DMXL1: variants seen among roughly 807,000 people sequenced by gnomAD.
The protein encoded by DMXL1 is Dmx like 1.
Under a neutral mutation model 319.2 loss-of-function variants are expected in DMXL1, and 99 were observed. That is an observed-to-expected ratio of 0.31 (90% CI 0.26 to 0.37). The LOEUF is 0.37. Ranked by LOEUF, DMXL1 falls within the 10% of genes least tolerant of loss-of-function variation. DMXL1 has a pLI of 1.00. For missense variants in DMXL1, 3,745 were observed against 3,595.6 expected (o/e 1.04, Z -1.06); for synonymous variants, 1,385 against 1,235.2 (o/e 1.12, Z -2.54).
At chr5:119,097,154 A>C (rs533721771) in intron 1 of DMXL1, among the ~76,000 whole-genome samples, 1 of 152,302 alleles carries the variant, frequency 6.6e-6, no homozygotes, top group South Asian at 2.1e-4. Flanking sequence ...GCCAGCTGAG[A>C]GAAGGAAAGA....
intron 1 of DMXL1, among the ~76,000 whole-genome samples, chr5:119,079,182 T>G (rs1298911373): frequency 6.6e-6 from 1 of 152,198 alleles, no homozygotes; most frequent in African/African-American, 2.4e-5. Context: ...CCCATCCCAG[T>G]GCTCTCTTAA....
chr5:119,118,707 C>A, intron 7 of DMXL1, 108 bp from the exon 8 acceptor site: 2 of 798,660 alleles, frequency 2.5e-6, no homozygotes, highest in Admixed American at 2.7e-5. Context: ...ATATTTTCTT[C>A]ATTGGTACCT....
chr5:119,162,134 A>G (rs1039345160), intron 19 of DMXL1, among the ~76,000 whole-genome samples: 2 of 152,146 alleles, frequency 1.3e-5, no homozygotes, highest in African/African-American at 4.8e-5. Flanking sequence ...TTCTTCTTGT[A>G]CCGCAAGCAA....
Position 119,118,802 on chromosome 5 carries a change from T to A in DMXL1, c.744-13T>A, listed in dbSNP as rs761180932. 5 of 1,570,034 alleles carry A rather than the reference T, an allele frequency of 3.2e-6. No homozygotes were observed. The Admixed American group carries it at 1.0e-4, about 32-fold the overall frequency. Reference sequence around the variant, plus strand: ...ATTTGTATTTTTGCTTCTAAAATCTTTTCATTCCTTAGGGCTTCTGTATGT... The same window carrying A: ...ATTTGTATTTTTGCTTCTAAAATCTATTCATTCCTTAGGGCTTCTGTATGT... On this transcript the variant is annotated splice_polypyrimidine_tract_variant and intron_variant, in intron 7 of 43. Transcript: ENST00000539542.
Position 119,193,902 on chromosome 5 carries a change from T to A in DMXL1, c.7389T>A (p.Asn2463Lys). 6.4e-7 allele frequency: 1 copy of A among 1,567,152 alleles called. No homozygotes were observed. The highest frequency in any genetic ancestry group is 1.1e-5 in the South Asian group (1 of 88,406). ...EESLGSDDDDNDDDDDVLASD... is the reference protein window; with the variant it reads ...EESLGSDDDDKDDDDDVLASD... ...GTCTGGGAAGTGATGATGATGACAA[T>A]GATGATGATGATGATGTTTTAGCAT... Residue 2463 changes from asparagine (N) to lysine (K), a missense_variant, in exon 30 of 44, where the codon AAT becomes AAA. By Grantham distance (94) the Asn-to-Lys change is moderately conservative. Around this residue, in one of 4 missense-constraint regions of DMXL1, gnomAD observed 1,382 missense variants for 1,269.5 expected, o/e 1.09. Transcript: ENST00000539542.
Position 119,102,897 on chromosome 5 carries a change from A to G in DMXL1, c.285+891A>G, listed in dbSNP as rs541984616. On this transcript the variant is annotated intron_variant, in intron 3 of 43. Coordinates refer to ENST00000539542, the MANE Select transcript of DMXL1 (RefSeq NM_001290321.3). ...ATGATGAGAAATTATGAACACAAGG[A>G]AACAACAGACACTGAGGTCTACTTG... Among the ~76,000 whole-genome samples the G allele has an allele frequency of 2.6e-4, 39 of 152,220 alleles. 1 individual carries two copies. In the South Asian group the frequency reaches 7.9e-3, roughly 31 times the overall value.
chr5:119,199,141 G>GC (rs1224494952), intron 32 of DMXL1, among the ~76,000 whole-genome samples: 2 of 152,176 alleles, frequency 1.3e-5, no homozygotes, highest in Admixed American at 6.5e-5. Context: ...GCCTGTCACA[G>GC]CCCCCCAAAG....
intron 37 of DMXL1, among the ~76,000 whole-genome samples, chr5:119,223,886 C>T (rs1785075858): frequency 6.6e-6 from 1 of 151,972 alleles, no homozygotes; most frequent in Non-Finnish European, 1.5e-5. Flanking sequence ...TCATATGCAG[C>T]AGGTTTTTAT....
At chr5:119,118,038 G>A (rs1424697096) in intron 7 of DMXL1, among the ~76,000 whole-genome samples, 1 of 152,164 alleles carries the variant, frequency 6.6e-6, no homozygotes, top group Non-Finnish European at 1.5e-5. Context: ...GGTAGTCCTT[G>A]CTGATAGGGT....
rs1169616589 is a variant in DMXL1 at position 119,170,889 on chromosome 5, G to A, written c.6098G>A (p.Cys2033Tyr). 6 of 1,612,984 alleles carry A rather than the reference G, an allele frequency of 3.7e-6. No individual in the cohort carries two copies. The highest frequency in any genetic ancestry group is 1.3e-5 in the African/African-American group (1 of 74,706). Residue 2033 changes from cysteine (C) to tyrosine (Y), a missense_variant, in exon 24 of 44, where the codon TGT becomes TAT. Cys to Tyr is a radical substitution (Grantham distance 194, BLOSUM62 -2). Around this residue, in one of 4 missense-constraint regions of DMXL1, gnomAD observed 1,382 missense variants for 1,269.5 expected, o/e 1.09. Transcript: ENST00000539542. Reference protein sequence around the residue: ...IIAVQLKFRACLKILTVELRT... With the variant: ...IIAVQLKFRAYLKILTVELRT... ...GCAGTTCAGTTAAAATTTAGAGCAT[G>A]TTTAAAGATTCTCACAGTAGAACTT...
chr5:119,081,176 A>T (rs1015453500), intron 1 of DMXL1, among the ~76,000 whole-genome samples: 2 of 152,202 alleles, frequency 1.3e-5, no homozygotes, highest in African/African-American at 4.8e-5. Context: ...GAAGAGCTCC[A>T]AGGACTAAGC....
intron 28 of DMXL1, among the ~76,000 whole-genome samples, chr5:119,181,813 AAAAAG>A (rs1277591470): frequency 5.3e-5 from 8 of 152,138 alleles, no homozygotes; most frequent in African/African-American, 1.4e-4. Context: ...CTCCATCTCA[AAAAAG>A]AAAAGAAAAG....
At chr5:119,112,266 A>G (rs544223762) in intron 5 of DMXL1, among the ~76,000 whole-genome samples, 2 of 152,276 alleles carry the variant, frequency 1.3e-5, no homozygotes, top group South Asian at 4.1e-4. Flanking sequence ...CGGCCTGATA[A>G]TATCTTTCTA....
At chr5:119,224,638 A>C in intron 37 of DMXL1, 71 bp from the exon 38 acceptor site, 1 of 559,902 alleles carries the variant, frequency 1.8e-6, no homozygotes, top group Non-Finnish European at 3.0e-6. Context: ...ATGTTATTTG[A>C]ATTTCCTGTC....
intron 2 of DMXL1, among the ~76,000 whole-genome samples, 193 bp from the exon 3 acceptor site, chr5:119,101,742 A>G (rs918492578): frequency 6.6e-6 from 1 of 152,226 alleles, no homozygotes; most frequent in African/African-American, 2.4e-5. Flanking sequence ...TTAAGTTGCT[A>G]GTTAACGTAG....
chr5:119,147,232 T>C lies in DMXL1; in HGVS notation c.2690-17T>C. 1 of 1,605,402 alleles carries C rather than the reference T, an allele frequency of 6.2e-7. No individual in the cohort carries two copies. The highest frequency in any genetic ancestry group is 1.1e-5 in the South Asian group (1 of 90,156). ...TTCCCCTGCCTCAGTTTTTGGTTCT[T>C]TTCTTATGTTTTGTAGATGAAAAAG... On this transcript the variant is annotated splice_polypyrimidine_tract_variant and intron_variant, in intron 16 of 43. Coordinates refer to ENST00000539542, the MANE Select transcript of DMXL1 (RefSeq NM_001290321.3).
intron 34 of DMXL1, among the ~76,000 whole-genome samples, chr5:119,212,221 C>G (rs947889398): frequency 2.6e-5 from 4 of 152,100 alleles, no homozygotes; most frequent in African/African-American, 9.7e-5. Flanking sequence ...ATTCCTCTGG[C>G]GCCCACTCCA....
intron 38 of DMXL1, among the ~76,000 whole-genome samples, chr5:119,231,412 A>C (rs1786700792): frequency 6.6e-6 from 1 of 152,156 alleles, no homozygotes; most frequent in African/African-American, 2.4e-5. Flanking sequence ...TCTGACTTCT[A>C]GACCTGATCT....
At chr5:119,076,312 T>C (rs563188239) in intron 1 of DMXL1, among the ~76,000 whole-genome samples, 1 of 152,196 alleles carries the variant, frequency 6.6e-6, no homozygotes, top group Non-Finnish European at 1.5e-5. Context: ...GTAATAAGCA[T>C]CCTTGAGTTT....
Sources: gnomAD v4.1 joint callset for allele counts (sites outside exome capture counted in the v4.1 genomes callset) on GRCh38, gnomAD v4.1.1 for gene constraint, gnomAD v4.1.1 regional missense constraint, MANE v1.5 for transcripts, NCBI Gene and HGNC (gene_info 2026-07-23, HGNC 2026-07-21) for gene names.